SLC4A4: variants seen among roughly 807,000 people sequenced by gnomAD.
SLC4A4 encodes solute carrier family 4 member 4, also known as electrogenic sodium bicarbonate cotransporter 1.
In SLC4A4, 27 loss-of-function variants were observed where a neutral mutation model predicts 111.5. The ratio of observed to expected loss-of-function variants is 0.24; its 90% CI spans 0.18 to 0.33. The LOEUF is 0.33. SLC4A4 is among the 10% of genes least tolerant of loss of function. SLC4A4 has a pLI of 1.00. For missense variants in SLC4A4, 909 were observed against 1,315.5 expected (o/e 0.69, Z 4.78); for synonymous variants, 443 against 463.4 (o/e 0.96, Z 0.57).
intron 3 of SLC4A4, among the ~76,000 whole-genome samples, chr4:71,306,667 A>C (rs2148847956): frequency 6.6e-6 from 1 of 152,340 alleles, no homozygotes; most frequent in African/African-American, 2.4e-5. Flanking sequence ...GAGACTAAGC[A>C]CTAAGGATAG....
At chr4:71,145,616 A>C in intron 2 of SLC4A4, among the ~76,000 whole-genome samples, 1 of 152,116 alleles carries the variant, frequency 6.6e-6, no homozygotes, top group East Asian at 1.9e-4. Context: ...TTATTGCCTC[A>C]ATTTCAGAGC....
chr4:71,196,909 C>T (rs1341812582), intron 1 of SLC4A4, among the ~76,000 whole-genome samples: 1 of 131,738 alleles, frequency 7.6e-6, no homozygotes, highest in Non-Finnish European at 1.6e-5. Flanking sequence ...TTATCTTATC[C>T]AACTTTATTT....
chr4:71,136,334 T>C (rs1743842180), intron 2 of SLC4A4, among the ~76,000 whole-genome samples: 1 of 152,240 alleles, frequency 6.6e-6, no homozygotes, highest in African/African-American at 2.4e-5. Context: ...TTCTCACTAA[T>C]CTTCTATAGG....
intron 3 of SLC4A4, among the ~76,000 whole-genome samples, chr4:71,316,543 A>G (rs923544894): frequency 6.6e-6 from 1 of 152,078 alleles, no homozygotes; most frequent in Non-Finnish European, 1.5e-5. Context: ...TTATTTATTT[A>G]TTATGATTTT....
intron 2 of SLC4A4, among the ~76,000 whole-genome samples, chr4:71,115,618 A>G (rs1358827718): frequency 6.6e-6 from 1 of 152,174 alleles, no homozygotes; most frequent in Admixed American, 6.5e-5. Context: ...TTTAGAGGGC[A>G]ATGTGCTTTC....
chr4:71,451,162 C>T, intron 10 of SLC4A4, 26 bp from the exon 11 acceptor site: 8 of 1,396,138 alleles, frequency 5.7e-6, no homozygotes, highest in Non-Finnish European at 8.2e-6. Flanking sequence ...AACTAATATA[C>T]TCTTGGGCTC....
intron 2 of SLC4A4, among the ~76,000 whole-genome samples, chr4:71,154,359 G>A (rs1003867562): frequency 6.6e-6 from 1 of 152,204 alleles, no homozygotes; most frequent in African/African-American, 2.4e-5. Flanking sequence ...TTAGAGTGTG[G>A]ACGCTTTCAT....
intron 2 of SLC4A4, among the ~76,000 whole-genome samples, chr4:71,100,877 T>A (rs187210240): frequency 2.5e-4 from 38 of 152,262 alleles, no homozygotes; most frequent in African/African-American, 8.7e-4. Flanking sequence ...CCTAGGAATA[T>A]AACTAACCAG....
intron 6 of SLC4A4, among the ~76,000 whole-genome samples, chr4:71,363,328 G>T (rs921648703): frequency 2.0e-5 from 3 of 152,176 alleles, no homozygotes; most frequent in African/African-American, 7.2e-5. Flanking sequence ...AGACTATTTG[G>T]TTTGATATTA....
At chr4:71,553,976 T>A (rs1560616062) in intron 20 of SLC4A4, among the ~76,000 whole-genome samples, 1 of 151,886 alleles carries the variant, frequency 6.6e-6, no homozygotes, top group Admixed American at 6.6e-5. Flanking sequence ...TATATATAAA[T>A]AAGGATATTT....
At position 71,544,286 on chromosome 4, in the gene SLC4A4, C is replaced by T. The variant is rs531501665; in HGVS notation, c.2443-2064C>T. ...AGCCTTAAGGATACATAGGACTGAG[C>T]GAGAGAAAGAACAAAGGAAGAGTAG... On this transcript the variant is annotated intron_variant, in intron 18 of 25. Coordinates refer to ENST00000264485, the MANE Select transcript of SLC4A4 (RefSeq NM_001098484.3). 1.2e-4 allele frequency among the ~76,000 whole-genome samples: 18 copies of T among 151,854 alleles called. No homozygotes were observed. The South Asian group carries it at 3.7e-3, about 32-fold the overall frequency.
At chr4:71,342,577 C>T (rs542036832) in intron 4 of SLC4A4, among the ~76,000 whole-genome samples, 3 of 152,312 alleles carry the variant, frequency 2.0e-5, no homozygotes, top group African/African-American at 7.2e-5. Context: ...TATACTGCTA[C>T]ACTCAGCTAA....
intron 6 of SLC4A4, among the ~76,000 whole-genome samples, chr4:71,382,869 TA>T (rs1300868398): frequency 1.3e-5 from 2 of 152,226 alleles, no homozygotes; most frequent in African/African-American, 2.4e-5. Flanking sequence ...GGGAAAGTTC[TA>T]GTAGTGCTGT....
At chr4:71,316,782 C>T (rs1284604866) in intron 3 of SLC4A4, among the ~76,000 whole-genome samples, 2 of 152,106 alleles carry the variant, frequency 1.3e-5, no homozygotes, top group Non-Finnish European at 2.9e-5. Flanking sequence ...TCAGCTCCTT[C>T]TTATAAGTGA....
chr4:71,484,698 T>C (rs1683669914), intron 14 of SLC4A4, among the ~76,000 whole-genome samples: 1 of 151,770 alleles, frequency 6.6e-6, no homozygotes, highest in Non-Finnish European at 1.5e-5. Context: ...GAGAAGAATC[T>C]CAGTGGTGGT....
chr4:71,405,960 G>A (rs1720805117), intron 7 of SLC4A4, among the ~76,000 whole-genome samples: 1 of 108,694 alleles, frequency 9.2e-6, no homozygotes, highest in Admixed American at 1.2e-4. Flanking sequence ...TACTTGCTTT[G>A]ACTGAAGATG....
chr4:71,279,000 T>C (rs1176766530), intron 3 of SLC4A4, among the ~76,000 whole-genome samples: 1 of 152,198 alleles, frequency 6.6e-6, no homozygotes, highest in African/African-American at 2.4e-5. Context: ...GATATTTTGA[T>C]TAATGTATAT....
chr4:71,351,042 A>G (rs1560432629), intron 5 of SLC4A4, among the ~76,000 whole-genome samples: 1 of 152,144 alleles, frequency 6.6e-6, no homozygotes, highest in Non-Finnish European at 1.5e-5. Flanking sequence ...AAATGGAAAC[A>G]ATGGCTCCAG....
intron 9 of SLC4A4, among the ~76,000 whole-genome samples, chr4:71,449,581 T>C (rs1298068248): frequency 2.0e-5 from 3 of 152,186 alleles, no homozygotes; most frequent in Admixed American, 6.5e-5. Flanking sequence ...AGAGAAGTGG[T>C]TTAGTCACAA....
Sources: allele counts gnomAD v4.1 joint callset (sites outside exome capture counted in the v4.1 genomes callset), GRCh38; gene constraint gnomAD v4.1.1; transcripts MANE v1.5; gene names NCBI Gene and HGNC (gene_info 2026-07-23, HGNC 2026-07-21).